TARP: variants seen among roughly 807,000 people sequenced by gnomAD.
the TARP span, chr7:38,262,138 G>A: frequency 3.1e-6 from 5 of 1,588,574 alleles, no homozygotes; most frequent in Non-Finnish European, 4.3e-6. Flanking sequence ...AAAACAAAAT[G>A]ATCAGGAGGA....
At chr7:38,269,339 A>G in the TARP span, among the ~76,000 whole-genome samples, 1 of 151,882 alleles carries the variant, frequency 6.6e-6, no homozygotes, top group Non-Finnish European at 1.5e-5. Context: ...CTCTTTTAGT[A>G]TGAGCGTTTG....
the TARP span, among the ~76,000 whole-genome samples, chr7:38,261,115 G>A: frequency 6.6e-6 from 1 of 151,528 alleles, no homozygotes; most frequent in Non-Finnish European, 1.5e-5. Context: ...CAAAATGTAG[G>A]TCACTTACAC....
the TARP span, among the ~76,000 whole-genome samples, chr7:38,268,070 C>A: frequency 2.0e-5 from 3 of 150,860 alleles, no homozygotes; most frequent in South Asian, 2.1e-4. Flanking sequence ...TGGTAAGGGC[C>A]GATATTGTGG....
chr7:38,268,249 CATTT>C, the TARP span, among the ~76,000 whole-genome samples: 5 of 150,554 alleles, frequency 3.3e-5, no homozygotes. Context: ...CATTTATGTA[CATTT>C]ATTTGCAAAA....
the TARP span, chr7:38,265,318 G>C: frequency 1.3e-6 from 2 of 1,521,044 alleles, no homozygotes; most frequent in African/African-American, 1.4e-5. Flanking sequence ...TCAAAGAAGT[G>C]TTCTGACAGA....
chr7:38,266,975 G>C, the TARP span, among the ~76,000 whole-genome samples: 1 of 151,736 alleles, frequency 6.6e-6, no homozygotes, highest in Non-Finnish European at 1.5e-5. Context: ...TTCACCAAAA[G>C]CACATTTTAT....
chr7:38,273,556 C>A, the TARP span: 1 of 1,565,922 alleles, frequency 6.4e-7, no homozygotes, highest in South Asian at 1.1e-5. Context: ...CCCATCCCTT[C>A]TTTACATTGC....
the TARP span, among the ~76,000 whole-genome samples, chr7:38,269,296 T>C: frequency 3.4e-4 from 51 of 151,434 alleles, no homozygotes; most frequent in Middle Eastern, 3.4e-3. Flanking sequence ...AAGCCAAATC[T>C]TATTATGATA....
At chr7:38,269,663 T>G in the TARP span, 2 of 552,820 alleles carry the variant, frequency 3.6e-6, no homozygotes, top group African/African-American at 3.8e-5. Context: ...CATAACAAGT[T>G]CTGTTGCTCC....
chr7:38,268,341 T>C, the TARP span, among the ~76,000 whole-genome samples: 1 of 151,652 alleles, frequency 6.6e-6, no homozygotes, highest in African/African-American at 2.4e-5. Flanking sequence ...TTACCAAATA[T>C]CAACTACAGT....
the TARP span, among the ~76,000 whole-genome samples, chr7:38,272,981 A>T: frequency 1.3e-5 from 2 of 150,968 alleles, no homozygotes; most frequent in Admixed American, 6.6e-5. Flanking sequence ...TTCTCTGAAA[A>T]CTTTCATTTC....
At chr7:38,264,321 A>C in the TARP span, among the ~76,000 whole-genome samples, 1 of 151,838 alleles carries the variant, frequency 6.6e-6, no homozygotes, top group African/African-American at 2.4e-5. Flanking sequence ...GGCTGGGCAC[A>C]GTGGCTGACG....
At chr7:38,268,462 T>C in the TARP span, among the ~76,000 whole-genome samples, 5 of 151,790 alleles carry the variant, frequency 3.3e-5, no homozygotes, top group East Asian at 9.6e-4. Flanking sequence ...TGTTTAAATA[T>C]GTATTTCAGA....
At chr7:38,269,747 T>C in the TARP span, among the ~76,000 whole-genome samples, 508 of 151,886 alleles carry the variant, frequency 3.3e-3, no homozygotes, top group East Asian at 0.041. Flanking sequence ...CAGTTCAACA[T>C]CGCTACCAGC....
chr7:38,268,045 A>G, the TARP span, among the ~76,000 whole-genome samples: 1 of 151,390 alleles, frequency 6.6e-6, no homozygotes, highest in Admixed American at 6.6e-5. Context: ...ATTAAATAGC[A>G]TACTTGATTA....
the TARP span, chr7:38,265,368 G>C: frequency 2.5e-6 from 4 of 1,611,038 alleles, no homozygotes; most frequent in East Asian, 8.9e-5. Flanking sequence ...TTGGAGGAAA[G>C]ATAATTTCTT....
chr7:38,272,372 C>A, the TARP span, among the ~76,000 whole-genome samples: 2 of 148,630 alleles, frequency 1.3e-5, no homozygotes, highest in African/African-American at 2.5e-5. Context: ...CCATTATCTT[C>A]TTTGTACAGA....
the TARP span, among the ~76,000 whole-genome samples, chr7:38,270,100 T>A: frequency 1.3e-5 from 2 of 151,902 alleles, no homozygotes; most frequent in Non-Finnish European, 2.9e-5. Context: ...AGACCCTGCC[T>A]CAAAAATAAA....
chr7:38,265,384 A>C, the TARP span: 1 of 1,611,524 alleles, frequency 6.2e-7, no homozygotes, highest in South Asian at 1.1e-5. Flanking sequence ...TTCTTGATCA[A>C]CTCCGTTTTT....
Sources: gnomAD v4.1 joint callset for allele counts (sites outside exome capture counted in the v4.1 genomes callset) on GRCh38, gnomAD v4.1.1 for gene constraint, MANE v1.5 for transcripts.